The following DGKI variants were observed in gnomAD, a reference collection of about 807,000 sequenced individuals.
The protein encoded by DGKI is diacylglycerol kinase iota, also known as DAG kinase iota.
In DGKI, 55 loss-of-function variants were observed where a neutral mutation model predicts 147.5. The observed-to-expected ratio is 0.37, with a 90% CI of 0.30 to 0.47. The LOEUF (loss-of-function observed/expected upper bound fraction) is 0.47. Among genes scored for constraint, DGKI ranks in the 20% least tolerant of loss-of-function variants. DGKI has a pLI of 1.00. For missense variants in DGKI, 1,007 were observed against 1,323.8 expected (o/e 0.76, Z 3.71); for synonymous variants, 469 against 477.1 (o/e 0.98, Z 0.22).
chr7:137,485,735 T>C (rs1815533007), intron 22 of DGKI, among the ~76,000 whole-genome samples: 1 of 152,122 alleles, frequency 6.6e-6, no homozygotes, highest in Non-Finnish European at 1.5e-5. Flanking sequence ...TTTGTTCTGA[T>C]AAATGGGGAT....
intron 27 of DGKI, among the ~76,000 whole-genome samples, chr7:137,455,975 T>C (rs1814189946): frequency 6.6e-6 from 1 of 152,158 alleles, no homozygotes; most frequent in African/African-American, 2.4e-5. Context: ...AATCAAATTA[T>C]TCACCTAAGA....
intron 27 of DGKI, among the ~76,000 whole-genome samples, chr7:137,445,051 A>C (rs1230936992): frequency 5.3e-5 from 8 of 152,244 alleles, no homozygotes; most frequent in Admixed American, 1.3e-4. Context: ...GGCCAAAGAT[A>C]AACTCAGGAG....
At chr7:137,539,186 G>A (rs834065) in intron 20 of DGKI, among the ~76,000 whole-genome samples, 3,163 of 152,238 alleles carry the variant, frequency 0.021, 108 homozygotes, top group African/African-American at 0.072. Context: ...GAGCTGTGAC[G>A]CCAAGAGAGT....
At chr7:137,786,203 C>T (rs1796665144) in intron 1 of DGKI, among the ~76,000 whole-genome samples, 2 of 151,944 alleles carry the variant, frequency 1.3e-5, no homozygotes, top group Non-Finnish European at 2.9e-5. Context: ...CTGATGATAT[C>T]ATTGTATACC....
chr7:137,397,875 T>G (rs903539626), intron 30 of DGKI, among the ~76,000 whole-genome samples: 2 of 152,206 alleles, frequency 1.3e-5, no homozygotes, highest in African/African-American at 4.8e-5. Context: ...TTATAAAATT[T>G]CCCTTCTCAG....
intron 21 of DGKI, among the ~76,000 whole-genome samples, chr7:137,516,743 GT>G (rs1816758411): frequency 6.6e-6 from 1 of 151,946 alleles, no homozygotes; most frequent in Non-Finnish European, 1.5e-5. Context: ...ATGCAAACAT[GT>G]AATTATTGAA....
At chr7:137,650,269 T>C (rs2129010237) in intron 5 of DGKI, among the ~76,000 whole-genome samples, 1 of 152,296 alleles carries the variant, frequency 6.6e-6, no homozygotes, top group South Asian at 2.1e-4. Flanking sequence ...TTGGTGCAAT[T>C]AATTTAGGAC....
chr7:137,431,901 C>T (rs555278293), intron 28 of DGKI, among the ~76,000 whole-genome samples: 61 of 152,262 alleles, frequency 4.0e-4, no homozygotes, highest in African/African-American at 1.4e-3. Context: ...GGTTTGGATC[C>T]GTGTCCCCAC....
At chr7:137,802,525 T>C (rs1460224765) in intron 1 of DGKI, among the ~76,000 whole-genome samples, 1 of 152,220 alleles carries the variant, frequency 6.6e-6, no homozygotes, top group Non-Finnish European at 1.5e-5. Context: ...ACATTATAAT[T>C]ATCACTAAGT....
chr7:137,705,701 T>C (rs1254777053), intron 1 of DGKI, among the ~76,000 whole-genome samples: 1 of 152,050 alleles, frequency 6.6e-6, no homozygotes, highest in Non-Finnish European at 1.5e-5. Context: ...AAATATACCT[T>C]AATAAAAATT....
chr7:137,712,276 T>TAAA (rs1794239954), intron 1 of DGKI, among the ~76,000 whole-genome samples: 2 of 152,180 alleles, frequency 1.3e-5, no homozygotes, highest in Non-Finnish European at 2.9e-5. Context: ...AGATATTTGT[T>TAAA]GGGTTATTAC....
At chr7:137,418,928 T>C (rs1404428892) in intron 28 of DGKI, among the ~76,000 whole-genome samples, 1 of 152,214 alleles carries the variant, frequency 6.6e-6, no homozygotes, top group Non-Finnish European at 1.5e-5. Context: ...TGAGGAGTAA[T>C]AATACTCTAC....
chr7:137,447,442 G>A (rs1318828010), intron 27 of DGKI, among the ~76,000 whole-genome samples: 1 of 152,176 alleles, frequency 6.6e-6, no homozygotes, highest in African/African-American at 2.4e-5. Flanking sequence ...GATTGATTCA[G>A]TATGAAAAGT....
chr7:137,421,946 C>T (rs998215147), intron 28 of DGKI, among the ~76,000 whole-genome samples: 1 of 152,152 alleles, frequency 6.6e-6, no homozygotes, highest in South Asian at 2.1e-4. Flanking sequence ...CTACACCTTG[C>T]AATCAATTTT....
At chr7:137,613,964 T>C (rs566839541) in intron 8 of DGKI, among the ~76,000 whole-genome samples, 3 of 152,256 alleles carry the variant, frequency 2.0e-5, no homozygotes, top group Non-Finnish European at 2.9e-5. Flanking sequence ...GCATATATCA[T>C]AGGAAGAGAC....
intron 3 of DGKI, among the ~76,000 whole-genome samples, chr7:137,670,169 C>T (rs1822792661): frequency 6.6e-6 from 1 of 152,068 alleles, no homozygotes; most frequent in African/African-American, 2.4e-5. Context: ...TTAGTGTTCT[C>T]CAGAACACAA....
At chr7:137,551,174 G>C (rs1182821253) in intron 20 of DGKI, among the ~76,000 whole-genome samples, 2 of 152,118 alleles carry the variant, frequency 1.3e-5, no homozygotes, top group Non-Finnish European at 2.9e-5. Flanking sequence ...GGGAGAGAAG[G>C]AAGGAGAGGA....
chr7:137,757,272 T>A (rs1189477931), intron 1 of DGKI, among the ~76,000 whole-genome samples: 1 of 152,190 alleles, frequency 6.6e-6, no homozygotes, highest in Non-Finnish European at 1.5e-5. Flanking sequence ...CAGAACCCCT[T>A]AGTATTTCTC....
At chr7:137,766,455 A>C (rs2116828533) in intron 1 of DGKI, among the ~76,000 whole-genome samples, 1 of 152,348 alleles carries the variant, frequency 6.6e-6, no homozygotes, top group South Asian at 2.1e-4. Context: ...GGAAGATGGA[A>C]AGTGAATTGA....
Sources: allele counts gnomAD v4.1 joint callset (sites outside exome capture counted in the v4.1 genomes callset), GRCh38; gene constraint gnomAD v4.1.1; transcripts MANE v1.5; gene names NCBI Gene and HGNC (gene_info 2026-07-23, HGNC 2026-07-21).